The following MFSD6 variants were observed in gnomAD, a reference collection of about 807,000 sequenced individuals.
MFSD6 encodes the protein major facilitator superfamily domain-containing protein 6.
A neutral mutation model predicts 56.3 loss-of-function variants in MFSD6; 26 were observed. The observed-to-expected ratio is 0.46, with a 90% CI of 0.34 to 0.64. The LOEUF (loss-of-function observed/expected upper bound fraction) is 0.64. Among genes scored for constraint, MFSD6 ranks in the 30% least tolerant of loss-of-function variants. The pLI, the probability that MFSD6 is intolerant of heterozygous loss-of-function variation, is 0.01. For synonymous variants in MFSD6, 331 were observed against 366.9 expected, an observed-to-expected ratio of 0.90 and a Z score of 1.12; for missense variants, 750 against 986.2, an observed-to-expected ratio of 0.76 and a Z score of 3.21.
chr2:190,500,287 C>G lies in MFSD6; in HGVS notation c.*69C>G. 6.4e-7 allele frequency: 1 copy of G among 1,553,214 alleles called. No homozygotes were observed. The highest frequency in any genetic ancestry group is 8.8e-7 in the Non-Finnish European group (1 of 1,132,678). On this transcript the variant is annotated 3_prime_UTR_variant, in exon 8 of 8. Transcript: ENST00000392328. This position sits in a 1 kb window ranked among gnomAD's most constrained non-coding sequence, Gnocchi z 5.3. ...CAGCCAGGACACAGGGTGAGGCCCC[C>G]CAGCCAGGATATGCCTCCCCTGGAG...
rs551505205 is a variant in MFSD6, at chr2:190,455,817, A to T, written c.1533-13941A>T. 2.6e-5 allele frequency among the ~76,000 whole-genome samples: 4 copies of T among 152,010 alleles called. No individual in the cohort carries two copies. In the East Asian group the frequency reaches 7.7e-4, roughly 29 times the overall value. On this transcript the variant is annotated intron_variant, in intron 3 of 7. Transcript: ENST00000392328. ...GAAAGGACATGAGTGGTTGGAAAAA[A>T]CTATATCAGTTACAGTTCCTCATTT...
Position 190,437,242 on chromosome 2 carries a change from G to A in MFSD6, c.1213G>A (p.Glu405Lys). ...HFKNDDSKGK[E>K]VEIPQVERNN... Reference sequence around the variant, plus strand: ...CAAAAACGATGATTCTAAAGGGAAAGAGGTGGAGATCCCGCAGGTGGAAAG... The same window carrying A: ...CAAAAACGATGATTCTAAAGGGAAAAAGGTGGAGATCCCGCAGGTGGAAAG... The change falls in exon 3 of 8, where the codon GAG becomes AAG. Residue 405 changes from glutamate to lysine, a missense_variant. This residue lies in a region of MFSD6 where 376 missense variants were observed against 437.9 expected (regional missense o/e 0.86). Coordinates refer to ENST00000392328, the MANE Select transcript of MFSD6 (RefSeq NM_017694.4). The surrounding 1 kb of genome is among the most constrained non-coding windows in gnomAD (Gnocchi z 5.9). 6.2e-7 allele frequency: 1 copy of A among 1,614,280 alleles called. No homozygotes were observed. The highest frequency in any genetic ancestry group is 8.5e-7 in the Non-Finnish European group (1 of 1,180,052).
In MFSD6 at chr2:190,437,244, G is replaced by A. The variant is rs561351959; in HGVS notation, c.1215G>A (p.Glu405=). 1.3e-5 allele frequency: 21 copies of A among 1,614,252 alleles called. No homozygotes were observed. The East Asian group carries it at 4.2e-4, about 33-fold the overall frequency. The change falls in exon 3 of 8, where the codon GAG becomes GAA. Residue 405 remains glutamate, a synonymous_variant. Transcript: ENST00000392328. The surrounding 1 kb of genome is among the most constrained non-coding windows in gnomAD (Gnocchi z 5.9). ...AAAACGATGATTCTAAAGGGAAAGAGGTGGAGATCCCGCAGGTGGAAAGGA... is the reference window on the plus strand; with the variant it reads ...AAAACGATGATTCTAAAGGGAAAGAAGTGGAGATCCCGCAGGTGGAAAGGA... ...HFKNDDSKGK[E]VEIPQVERNN...
chr2:190,464,738 A>T (rs1687508198), intron 3 of MFSD6: 1 of 174,982 alleles, frequency 5.7e-6, no homozygotes, highest in African/African-American at 2.4e-5. Flanking sequence ...TATTATATTT[A>T]ACTTATTTGT....
chr2:190,489,727 T>G lies in MFSD6; in HGVS notation c.1793-41T>G, dbSNP rs1295334533. 1.3e-6 allele frequency: 2 copies of G among 1,565,026 alleles called. No homozygotes were observed. The highest frequency in any genetic ancestry group is 8.8e-7 in the Non-Finnish European group (1 of 1,141,382). ...TGGTTTTAGATGAGCGCTATCTGCA[T>G]TTCTTGGAATTACTCTATAGAGTGC... is the stretch of plus-strand genomic sequence containing the variant. On this transcript the variant is annotated intron_variant, in intron 5 of 7. Transcript: ENST00000392328. The surrounding 1 kb of genome is among the most constrained non-coding windows in gnomAD (Gnocchi z 6.6).
At chr2:190,478,537 G>T (rs985118028) in intron 4 of MFSD6, among the ~76,000 whole-genome samples, 18 of 152,140 alleles carry the variant, frequency 1.2e-4, no homozygotes, top group African/African-American at 4.3e-4. Context: ...TACAAGGCTC[G>T]TCCAAATGGC....
intron 1 of MFSD6, chr2:190,411,449 C>T (rs1031464561): frequency 3.0e-6 from 3 of 984,316 alleles, no homozygotes; most frequent in South Asian, 4.7e-5. Flanking sequence ...TGAGCCACTG[C>T]GCCCAGCCGA....
chr2:190,487,076 A>G lies in MFSD6; in HGVS notation c.1631-1581A>G, dbSNP rs963549013. ...TATATTAAGAAGCATGGCTGGGTGC[A>G]GTGGCTCACTAATCCCAGCACTTTG... On this transcript the variant is annotated intron_variant, in intron 4 of 7. Coordinates refer to ENST00000392328, the MANE Select transcript of MFSD6 (RefSeq NM_017694.4). The surrounding 1 kb of genome is among the most constrained non-coding windows in gnomAD (Gnocchi z 5.5). Among the ~76,000 whole-genome samples the G allele has an allele frequency of 2.0e-5, 3 of 152,196 alleles. No homozygotes were observed. The highest frequency in any genetic ancestry group is 7.2e-5 in the African/African-American group (3 of 41,450).
chr2:190,473,916 C>T (rs1688114186), intron 4 of MFSD6, among the ~76,000 whole-genome samples: 1 of 152,150 alleles, frequency 6.6e-6, no homozygotes, highest in Admixed American at 6.5e-5. Flanking sequence ...GAAACTCACT[C>T]AAAACTGCTC....
chr2:190,428,654 CTTAT>C lies in MFSD6; in HGVS notation c.-53-7289_-53-7286del, dbSNP rs77812909. On this transcript the variant is annotated intron_variant, in intron 2 of 7. Transcript: ENST00000392328. ...GCACTCAAACATTTAGAGATGCTTG[CTTAT>C]TTATTTATTTATTTATTTATTTATT... 2.5e-3 allele frequency among the ~76,000 whole-genome samples: 270 copies of C among 108,338 alleles called. 2 individuals carry two copies. The highest frequency in any genetic ancestry group is 0.012 in the African/African-American group (264 of 22,246). 71.1% of individuals were successfully genotyped at this position (108,338 alleles called of 152,430 possible). A position where few individuals can be genotyped will look rare whatever the true frequency, so the allele number is the denominator to read the frequency against.
chr2:190,483,113 C>T (rs894323588), intron 4 of MFSD6, among the ~76,000 whole-genome samples: 2 of 150,822 alleles, frequency 1.3e-5, no homozygotes, highest in South Asian at 4.2e-4. Context: ...AGGATGGTCT[C>T]GATCTCCTGA....
At chr2:190,445,271 G>A (rs1017623259) in intron 3 of MFSD6, among the ~76,000 whole-genome samples, 1 of 152,126 alleles carries the variant, frequency 6.6e-6, no homozygotes, top group Non-Finnish European at 1.5e-5. Context: ...AGAAGCAGTC[G>A]GAGATGCTGT....
rs2125234796 is a variant in MFSD6 at position 190,488,469 on chromosome 2, C to T, written c.1631-188C>T. Among the ~76,000 whole-genome samples, 2 of 152,282 alleles carry T rather than the reference C, an allele frequency of 1.3e-5. No individual in the cohort carries two copies. Reference sequence around the variant, plus strand: ...GAGATGGATGGTGGTGACAGCTGCACAACACTGTGAGTGTACTCAGTGCCA... The same window carrying T: ...GAGATGGATGGTGGTGACAGCTGCATAACACTGTGAGTGTACTCAGTGCCA... On this transcript the variant is annotated intron_variant, in intron 4 of 7. Coordinates refer to ENST00000392328, the MANE Select transcript of MFSD6 (RefSeq NM_017694.4). The surrounding 1 kb of genome is among the most constrained non-coding windows in gnomAD (Gnocchi z 6.4).
chr2:190,498,605 T>C lies in MFSD6; in HGVS notation c.2172+886T>C. Among the ~76,000 whole-genome samples the C allele has an allele frequency of 6.6e-6, 1 of 152,204 alleles. No homozygotes were observed. The highest frequency in any genetic ancestry group is 1.9e-4 in the East Asian group (1 of 5,202). On this transcript the variant is annotated intron_variant, in intron 7 of 7. Coordinates refer to ENST00000392328, the MANE Select transcript of MFSD6 (RefSeq NM_017694.4). The surrounding 1 kb of genome is among the most constrained non-coding windows in gnomAD (Gnocchi z 5.9). ...CATGCTAGTCCATGCATGATCCTAT[T>C]TATTAATTTATCAAGATAATAAACT...
In MFSD6 at chr2:190,424,671, T is replaced by C. The variant is rs1297777369; in HGVS notation, c.-54+9258T>C. Among the ~76,000 whole-genome samples, 1 of 152,216 alleles carries C rather than the reference T, an allele frequency of 6.6e-6. No individual in the cohort carries two copies. Among genetic ancestry groups the C allele is most frequent in the Non-Finnish European group, 1.5e-5 (1 of 68,038 alleles). ...TTTTGCCCATGGATGTCTAATTACCTCAGCACCATTTGTTGAAAGGTTACC... is the reference window on the plus strand; with the variant it reads ...TTTTGCCCATGGATGTCTAATTACCCCAGCACCATTTGTTGAAAGGTTACC... On this transcript the variant is annotated intron_variant, in intron 2 of 7. Coordinates refer to ENST00000392328, the MANE Select transcript of MFSD6 (RefSeq NM_017694.4). This position sits in a 1 kb window ranked among gnomAD's most constrained non-coding sequence, Gnocchi z 5.9.
chr2:190,477,077 A>G (rs1688372626), intron 4 of MFSD6: 1 of 134,228 alleles, frequency 7.5e-6, no homozygotes, highest in Non-Finnish European at 1.5e-5. Flanking sequence ...GGGGGGAGGG[A>G]TAGCATTAGG....
intron 1 of MFSD6, among the ~76,000 whole-genome samples, chr2:190,409,622 T>C (rs1224248919): frequency 6.6e-6 from 1 of 152,172 alleles, no homozygotes; most frequent in Non-Finnish European, 1.5e-5. Flanking sequence ...CTCTTAAGTA[T>C]AGATGAATGT....
chr2:190,446,751 A>G (rs535141367), intron 3 of MFSD6, among the ~76,000 whole-genome samples: 4 of 152,324 alleles, frequency 2.6e-5, no homozygotes, highest in African/African-American at 9.6e-5. Context: ...AAAACTACAT[A>G]CTGGTGGGAA....
rs540571724 is a variant in MFSD6 at position 190,449,677 on chromosome 2, T to A, written c.1532+12116T>A. Among the ~76,000 whole-genome samples, 72 of 152,252 alleles carry A rather than the reference T, an allele frequency of 4.7e-4. 1 individual carries two copies. Among genetic ancestry groups the A allele is most frequent in the African/African-American group, 1.7e-3 (70 of 41,550 alleles). On this transcript the variant is annotated intron_variant, in intron 3 of 7. Coordinates refer to ENST00000392328, the MANE Select transcript of MFSD6 (RefSeq NM_017694.4). ...TAGCACATATAACCATGAAATACTATGCAGCCATAAAAAATGATGAGTTCA... is the reference window on the plus strand; with the variant it reads ...TAGCACATATAACCATGAAATACTAAGCAGCCATAAAAAATGATGAGTTCA...
Sources: gnomAD v4.1 joint callset for allele counts (sites outside exome capture counted in the v4.1 genomes callset) on GRCh38, gnomAD v4.1.1 for gene constraint, gnomAD v4.1.1 regional missense constraint, Gnocchi (gnomAD v3.1) non-coding constraint, MANE v1.5 for transcripts, NCBI Gene and HGNC (gene_info 2026-07-23, HGNC 2026-07-21) for gene names.